CNTN4: variants seen among roughly 807,000 people sequenced by gnomAD.
The protein encoded by CNTN4 is contactin-4.
Under a neutral mutation model 122.5 loss-of-function variants are expected in CNTN4, and 77 were observed. The observed-to-expected ratio is 0.63, with a 90% CI of 0.52 to 0.76. CNTN4 has a LOEUF of 0.76. Among genes scored for constraint, CNTN4 ranks in the 30% least tolerant of loss-of-function variants. The probability of loss-of-function intolerance (pLI) is 0.00; values close to 1 mark genes in which losing one functional copy is unlikely to be tolerated. For missense variants in CNTN4, 1,256 were observed against 1,259.1 expected (o/e 1.00, Z 0.04); for synonymous variants, 512 against 447.0 (o/e 1.15, Z -1.83).
chr3:2,418,343 A>G (rs1177925886), intron 3 of CNTN4, among the ~76,000 whole-genome samples: 2 of 152,168 alleles, frequency 1.3e-5, no homozygotes, highest in Non-Finnish European at 2.9e-5. Flanking sequence ...CAGAGGCAAA[A>G]TGTGAGATTA....
chr3:2,246,429 A>G (rs962879249), intron 2 of CNTN4, among the ~76,000 whole-genome samples: 1 of 151,992 alleles, frequency 6.6e-6, no homozygotes, highest in African/African-American at 2.4e-5. Flanking sequence ...CATTTTTTTG[A>G]GTAATAAAAT....
chr3:2,225,365 G>C (rs1339800120), intron 2 of CNTN4, among the ~76,000 whole-genome samples: 1 of 148,718 alleles, frequency 6.7e-6, no homozygotes, highest in Non-Finnish European at 1.5e-5. Context: ...ATACAAAAAA[G>C]TAGCCGGGTG....
At chr3:2,334,439 A>G (rs1018785963) in intron 2 of CNTN4, among the ~76,000 whole-genome samples, 3 of 152,180 alleles carry the variant, frequency 2.0e-5, no homozygotes, top group African/African-American at 7.2e-5. Context: ...GATTACAGAT[A>G]GGAGCCACGG....
intron 4 of CNTN4, among the ~76,000 whole-genome samples, chr3:2,678,599 T>C (rs1576434363): frequency 6.6e-6 from 1 of 152,202 alleles, no homozygotes; most frequent in African/African-American, 2.4e-5. Context: ...AGTGACCCTG[T>C]TTGCAGATTA....
At chr3:2,359,352 G>T (rs2045017397) in intron 3 of CNTN4, among the ~76,000 whole-genome samples, 2 of 152,094 alleles carry the variant, frequency 1.3e-5, no homozygotes, top group Admixed American at 1.3e-4. Context: ...TAATACTCCA[G>T]TGTTCACTTA....
At chr3:2,135,423 G>A (rs1220122933) in intron 2 of CNTN4, among the ~76,000 whole-genome samples, 2 of 152,206 alleles carry the variant, frequency 1.3e-5, no homozygotes, top group African/African-American at 4.8e-5. Context: ...TATTCTGTAA[G>A]ATGTAATGGT....
rs532727628 is a variant in CNTN4, at chr3:2,113,056, C to T, written c.-145+12417C>T. Among the ~76,000 whole-genome samples the T allele has an allele frequency of 2.4e-4, 37 of 152,292 alleles. No individual in the cohort carries two copies. In the South Asian group the frequency reaches 6.6e-3, roughly 27 times the overall value. On this transcript the variant is annotated intron_variant, in intron 2 of 24. Coordinates refer to ENST00000418658, the MANE Select transcript of CNTN4 (RefSeq NM_175607.3). ...TTCAATGGAAAGGATGGTAGAAATT[C>T]AGCCAATTCTGCTTTCTTGGGCTTT...
chr3:2,628,371 G>T (rs539629895), intron 4 of CNTN4, among the ~76,000 whole-genome samples: 1 of 152,246 alleles, frequency 6.6e-6, no homozygotes, highest in African/African-American at 2.4e-5. Flanking sequence ...GCTGGAGTAG[G>T]ACACCTTAAG....
At chr3:2,550,462 G>A (rs2078449901) in intron 3 of CNTN4, among the ~76,000 whole-genome samples, 1 of 152,182 alleles carries the variant, frequency 6.6e-6, no homozygotes, top group South Asian at 2.1e-4. Context: ...AGATGCTGGA[G>A]AGGATGCAGA....
chr3:2,596,813 A>G (rs1292820534), intron 4 of CNTN4, among the ~76,000 whole-genome samples: 6 of 152,212 alleles, frequency 3.9e-5, no homozygotes, highest in African/African-American at 1.2e-4. Context: ...TGTAATTTTA[A>G]TACAATAAAT....
At chr3:2,540,563 G>C (rs1297290669) in intron 3 of CNTN4, among the ~76,000 whole-genome samples, 1 of 152,044 alleles carries the variant, frequency 6.6e-6, no homozygotes, top group Non-Finnish European at 1.5e-5. Flanking sequence ...ATTTTAAAAA[G>C]TAGTAGGAGT....
chr3:3,023,877 T>C (rs926550011), intron 14 of CNTN4, among the ~76,000 whole-genome samples: 6 of 152,232 alleles, frequency 3.9e-5, no homozygotes, highest in Non-Finnish European at 7.3e-5. Flanking sequence ...ATGATTTGCA[T>C]GTGGACATCG....
chr3:2,267,010 A>AT (rs1310849410), intron 2 of CNTN4, among the ~76,000 whole-genome samples: 1 of 152,116 alleles, frequency 6.6e-6, no homozygotes, highest in African/African-American at 2.4e-5. Flanking sequence ...AATTAAATGC[A>AT]TTTTTTGGCA....
At chr3:2,502,554 T>C (rs1005863900) in intron 3 of CNTN4, among the ~76,000 whole-genome samples, 2 of 152,134 alleles carry the variant, frequency 1.3e-5, no homozygotes, top group African/African-American at 4.8e-5. Flanking sequence ...GATGGAACCT[T>C]ACTACTCTGG....
chr3:2,362,571 A>C, intron 3 of CNTN4: 1 of 576,210 alleles, frequency 1.7e-6, no homozygotes, highest in East Asian at 4.8e-5. Context: ...CTGAAGAAGA[A>C]GACAGCAGCT....
chr3:2,627,526 C>A (rs1298358544), intron 4 of CNTN4, among the ~76,000 whole-genome samples: 1 of 138,290 alleles, frequency 7.2e-6, no homozygotes, highest in Non-Finnish European at 1.5e-5. Context: ...TGGAATCTCA[C>A]TCTGTCGCCC....
At chr3:2,466,631 G>A (rs1222062059) in intron 3 of CNTN4, among the ~76,000 whole-genome samples, 1 of 152,132 alleles carries the variant, frequency 6.6e-6, no homozygotes, top group African/African-American at 2.4e-5. Context: ...TTTGGGCATT[G>A]GCTGTCATAG....
rs57323535 is a variant in CNTN4, at chr3:2,130,127, T to C, written c.-145+29488T>C. On this transcript the variant is annotated intron_variant, in intron 2 of 24. Transcript: ENST00000418658. ...TGTCCATATGTTATTCTCATTTGAA[T>C]TATAATTCTTATTTTTATTGTATGG... 1.8e-3 allele frequency among the ~76,000 whole-genome samples: 273 copies of C among 152,320 alleles called. 2 individuals are homozygous for C. The highest frequency in any genetic ancestry group is 6.3e-3 in the African/African-American group (261 of 41,584).
rs1398774447 is a variant in CNTN4 at position 2,241,623 on chromosome 3, C to T, written c.-144-97555C>T. Among the ~76,000 whole-genome samples the T allele has an allele frequency of 3.9e-5, 6 of 152,282 alleles. No homozygotes were observed. In the South Asian group the frequency reaches 1.0e-3, roughly 26 times the overall value. ...AGAACTCTTTACTCAAGGTCACTAC[C>T]GTCAGCTTGTCTTTCCACTGGAGCT... On this transcript the variant is annotated intron_variant, in intron 2 of 24. Coordinates refer to ENST00000418658, the MANE Select transcript of CNTN4 (RefSeq NM_175607.3).
Sources: gnomAD v4.1 joint callset for allele counts (sites outside exome capture counted in the v4.1 genomes callset) on GRCh38, gnomAD v4.1.1 for gene constraint, MANE v1.5 for transcripts, NCBI Gene and HGNC (gene_info 2026-07-23, HGNC 2026-07-21) for gene names.